Variants in NTM observed in about 807,000 individuals in gnomAD.
NTM encodes IgLON family member 2.
NTM carries 13 observed loss-of-function variants against 42.1 expected under a neutral mutation model. The observed-to-expected ratio is 0.31, with a 90% CI of 0.20 to 0.49. The LOEUF is 0.49. Among genes scored for constraint, NTM ranks in the 20% least tolerant of loss-of-function variants. The probability of loss-of-function intolerance (pLI) is 0.99; values close to 1 mark genes in which losing one functional copy is unlikely to be tolerated. For missense variants in NTM, 373 were observed against 452.8 expected, an observed-to-expected ratio of 0.82 and a Z score of 1.60; for synonymous variants, 187 against 179.2, an observed-to-expected ratio of 1.04 and a Z score of -0.35.
intron 1 of NTM, among the ~76,000 whole-genome samples, chr11:131,376,372 C>T (rs779950902): frequency 6.6e-6 from 1 of 152,154 alleles, no homozygotes; most frequent in Admixed American, 6.5e-5. Flanking sequence ...ACTTGCCCCT[C>T]CTTTCTCTTC....
At chr11:131,372,357 TA>T (rs1941334524) in intron 1 of NTM, among the ~76,000 whole-genome samples, 1 of 152,134 alleles carries the variant, frequency 6.6e-6, no homozygotes, top group Non-Finnish European at 1.5e-5. Context: ...TGCTGTCCCC[TA>T]GGGGCTTTGG....
chr11:131,664,297 G>A (rs1033792797), intron 1 of NTM, among the ~76,000 whole-genome samples: 3 of 152,374 alleles, frequency 2.0e-5, no homozygotes, highest in African/African-American at 7.2e-5. Context: ...CAGAGACCAA[G>A]TACCTATAAA....
At chr11:132,072,810 G>T (rs955401109) in intron 2 of NTM, among the ~76,000 whole-genome samples, 1 of 152,282 alleles carries the variant, frequency 6.6e-6, no homozygotes, top group African/African-American at 2.4e-5. Context: ...TTTTACGGTT[G>T]TGATTCCTCC....
At chr11:131,816,358 C>T (rs1197854133) in intron 1 of NTM, among the ~76,000 whole-genome samples, 1 of 152,060 alleles carries the variant, frequency 6.6e-6, no homozygotes, top group East Asian at 1.9e-4. Context: ...AACAGTCAAC[C>T]CCTTAGATTA....
intron 7 of NTM, among the ~76,000 whole-genome samples, chr11:132,320,189 G>A (rs1302386952): frequency 6.6e-6 from 1 of 152,248 alleles, no homozygotes; most frequent in Non-Finnish European, 1.5e-5. Flanking sequence ...TGGCTGAATA[G>A]GAACAGCTCT....
chr11:131,818,661 C>T (rs932368179), intron 1 of NTM, among the ~76,000 whole-genome samples: 3 of 152,130 alleles, frequency 2.0e-5, no homozygotes, highest in African/African-American at 7.2e-5. Flanking sequence ...TTTAATCATT[C>T]ACAGGATAGC....
At chr11:132,080,504 A>G (rs139895400) in intron 2 of NTM, among the ~76,000 whole-genome samples, 2,057 of 152,372 alleles carry the variant, frequency 0.013, 24 homozygotes, top group Non-Finnish European at 0.021. Flanking sequence ...CTAATGGGCA[A>G]CTTTGGCTAC....
chr11:131,448,222 G>T (rs1159805160), intron 1 of NTM, among the ~76,000 whole-genome samples: 1 of 152,198 alleles, frequency 6.6e-6, no homozygotes, highest in Admixed American at 6.5e-5. Flanking sequence ...CTCCCACCTT[G>T]CCCTGAGTGA....
chr11:131,692,221 CCA>C (rs2074867161), intron 1 of NTM, among the ~76,000 whole-genome samples: 1 of 133,192 alleles, frequency 7.5e-6, no homozygotes, highest in African/African-American at 4.2e-5. Context: ...GTGCCACCTC[CCA>C]TGCAGACCTC....
At chr11:131,432,653 T>G (rs1391298221) in intron 1 of NTM, among the ~76,000 whole-genome samples, 1 of 152,086 alleles carries the variant, frequency 6.6e-6, no homozygotes, top group African/African-American at 2.4e-5. Flanking sequence ...GTACTACAAG[T>G]GTAATTTTCA....
intron 2 of NTM, among the ~76,000 whole-genome samples, chr11:132,058,654 G>T (rs1393009571): frequency 6.6e-6 from 1 of 152,122 alleles, no homozygotes; most frequent in East Asian, 1.9e-4. Flanking sequence ...GTGTGGGTTT[G>T]GCTGGGGCAG....
At chr11:132,262,987 G>T (rs1375202193) in intron 4 of NTM, among the ~76,000 whole-genome samples, 4 of 152,210 alleles carry the variant, frequency 2.6e-5, no homozygotes, top group African/African-American at 9.7e-5. Flanking sequence ...CCAAGGGGGA[G>T]AAATTGAAAA....
At chr11:131,451,462 G>A (rs1335849080) in intron 1 of NTM, among the ~76,000 whole-genome samples, 2 of 152,198 alleles carry the variant, frequency 1.3e-5, no homozygotes, top group Non-Finnish European at 2.9e-5. Context: ...TCATGTCTTA[G>A]AGAAGGCTTT....
intron 1 of NTM, among the ~76,000 whole-genome samples, chr11:131,873,812 C>T (rs11222827): frequency 2.1e-5 from 3 of 139,748 alleles, no homozygotes; most frequent in Non-Finnish European, 3.0e-5. Flanking sequence ...TCCCCTTGCC[C>T]CCATCCCCCA....
At chr11:132,320,758 G>A (rs1470080061) in intron 7 of NTM, among the ~76,000 whole-genome samples, 12 of 151,846 alleles carry the variant, frequency 7.9e-5, no homozygotes, top group Non-Finnish European at 1.5e-4. Flanking sequence ...AGTAACCTCT[G>A]CAGACTTAAA....
intron 1 of NTM, among the ~76,000 whole-genome samples, chr11:131,762,829 C>T (rs2084435827): frequency 6.6e-6 from 1 of 152,140 alleles, no homozygotes. Context: ...AAATGTGAAT[C>T]ACAGAGAGGC....
At chr11:132,218,851 A>G (rs2084500939) in intron 4 of NTM, among the ~76,000 whole-genome samples, 1 of 152,176 alleles carries the variant, frequency 6.6e-6, no homozygotes, top group Non-Finnish European at 1.5e-5. Flanking sequence ...CTGCATTTCC[A>G]TGAGCAAAGG....
intron 1 of NTM, among the ~76,000 whole-genome samples, chr11:131,473,560 A>G (rs946686589): frequency 6.6e-6 from 1 of 152,202 alleles, no homozygotes; most frequent in African/African-American, 2.4e-5. Flanking sequence ...TAATATTAGA[A>G]GAACTAGAGA....
intron 1 of NTM, among the ~76,000 whole-genome samples, chr11:131,439,692 C>T (rs572459982): frequency 1.4e-3 from 206 of 152,294 alleles, no homozygotes; most frequent in Non-Finnish European, 2.4e-3. Context: ...GGGAGTGTCC[C>T]GTTTTTCCAG....
Sources: gnomAD v4.1 joint callset for allele counts (sites outside exome capture counted in the v4.1 genomes callset) on GRCh38, gnomAD v4.1.1 for gene constraint, MANE v1.5 for transcripts, NCBI Gene and HGNC (gene_info 2026-07-23, HGNC 2026-07-21) for gene names.